Variants in NOS1AP observed in about 807,000 individuals in gnomAD.
NOS1AP encodes nitric oxide synthase 1 adaptor protein.
In NOS1AP, 21 loss-of-function variants were observed where a neutral mutation model predicts 56.2. That is an observed-to-expected ratio of 0.37 (90% CI 0.26 to 0.54). NOS1AP has a LOEUF of 0.54. Among genes scored for constraint, NOS1AP ranks in the 20% least tolerant of loss-of-function variants. The pLI is 0.84. For synonymous variants in NOS1AP, 270 were observed against 274.6 expected (o/e 0.98, Z 0.17); for missense variants, 522 against 657.8 (o/e 0.79, Z 2.26).
intron 2 of NOS1AP, among the ~76,000 whole-genome samples, chr1:162,235,882 A>G (rs1653274520): frequency 6.6e-6 from 1 of 152,228 alleles, no homozygotes. Flanking sequence ...CATCAGTTGG[A>G]TAAATCAAAG....
intron 8 of NOS1AP, chr1:162,360,502 T>C (rs1271818765): frequency 3.5e-6 from 1 of 289,454 alleles, no homozygotes; most frequent in African/African-American, 2.2e-5. Context: ...TATTCACAGT[T>C]TGCCAATTCC....
At chr1:162,286,269 T>C (rs1348727478) in intron 2 of NOS1AP, among the ~76,000 whole-genome samples, 4 of 152,198 alleles carry the variant, frequency 2.6e-5, no homozygotes, top group Non-Finnish European at 5.9e-5. Context: ...AGGTGTTAGG[T>C]GCCTTTTTCC....
intron 4 of NOS1AP, among the ~76,000 whole-genome samples, chr1:162,316,489 G>C (rs141684376): frequency 3.9e-5 from 6 of 152,252 alleles, no homozygotes; most frequent in African/African-American, 1.4e-4. Flanking sequence ...TTTGCTTTAG[G>C]GCCTGATTAT....
intron 2 of NOS1AP, among the ~76,000 whole-genome samples, chr1:162,172,605 A>C (rs16857812): frequency 0.064 from 9,795 of 152,260 alleles, 757 homozygotes; most frequent in African/African-American, 0.18. Flanking sequence ...GCAGGTGGTC[A>C]TTGGAGATTA....
intron 2 of NOS1AP, among the ~76,000 whole-genome samples, chr1:162,190,139 A>G (rs952508672): frequency 1.3e-5 from 2 of 152,234 alleles, no homozygotes; most frequent in African/African-American, 4.8e-5. Flanking sequence ...TATTACAAAA[A>G]TAATGTAACT....
chr1:162,336,775 A>G (rs1656953592), intron 5 of NOS1AP, among the ~76,000 whole-genome samples: 1 of 152,248 alleles, frequency 6.6e-6, no homozygotes. Flanking sequence ...TAGCCATCAA[A>G]TAAGATGAAA....
At chr1:162,176,505 C>CTTTTTTTTTT (rs34280743) in intron 2 of NOS1AP, among the ~76,000 whole-genome samples, 1 of 87,470 alleles carries the variant, frequency 1.1e-5, no homozygotes, top group Non-Finnish European at 2.0e-5. Flanking sequence ...CATAATAGCT[C>CTTTTTTTTTT]TTTTTTTTTT....
intron 3 of NOS1AP, among the ~76,000 whole-genome samples, chr1:162,288,966 A>G (rs754318096): frequency 2.6e-5 from 4 of 152,176 alleles, no homozygotes; most frequent in Non-Finnish European, 5.9e-5. Flanking sequence ...GGAGTTCCTG[A>G]GCAGGACATC....
chr1:162,284,453 G>T (rs1242940899), intron 2 of NOS1AP, among the ~76,000 whole-genome samples: 1 of 152,112 alleles, frequency 6.6e-6, no homozygotes, highest in Admixed American at 6.5e-5. Context: ...GAACCTGGAG[G>T]CCTATTTCCT....
chr1:162,183,656 G>A (rs1211312647), intron 2 of NOS1AP, among the ~76,000 whole-genome samples: 1 of 152,194 alleles, frequency 6.6e-6, no homozygotes, highest in Non-Finnish European at 1.5e-5. Context: ...CCATTTTTAT[G>A]TTACAGAGAC....
rs534112467 is a variant in NOS1AP at position 162,321,923 on chromosome 1, G to A, written c.345-11094G>A. Among the ~76,000 whole-genome samples, 210 of 32,216 alleles carry A rather than the reference G, an allele frequency of 6.5e-3. 3 individuals are homozygous for A. The highest frequency in any genetic ancestry group is 0.013 in the African/African-American group (192 of 15,118). The allele number at this position is 32,216 out of a possible 152,430, so 21.1% of individuals were successfully genotyped here. On this transcript the variant is annotated intron_variant, in intron 4 of 9. Coordinates refer to ENST00000361897, the MANE Select transcript of NOS1AP (RefSeq NM_014697.3). ...GACTCCAAAAGGGAAGAGGGAGAAG[G>A]GGGGACAAGGACTGAAAAAGTTCCC...
At chr1:162,251,614 GTGTGTGTGTGTGTGTGTGTC>G (rs1653851435) in intron 2 of NOS1AP, among the ~76,000 whole-genome samples, 1 of 151,394 alleles carries the variant, frequency 6.6e-6, no homozygotes, top group Non-Finnish European at 1.5e-5. Flanking sequence ...GTGTGTGTGT[GTGTGTGTGTGTGTGTGTGTC>G]TGTGTGTGTG....
chr1:162,128,885 C>A (rs1031393205), intron 1 of NOS1AP, among the ~76,000 whole-genome samples: 2 of 152,178 alleles, frequency 1.3e-5, no homozygotes, highest in African/African-American at 4.8e-5. Context: ...CTGGGACTTC[C>A]CTGTTAGCCG....
At chr1:162,356,277 G>A (rs1201291465) in intron 7 of NOS1AP, among the ~76,000 whole-genome samples, 1 of 152,204 alleles carries the variant, frequency 6.6e-6, no homozygotes, top group Non-Finnish European at 1.5e-5. Flanking sequence ...AATCGTAGAA[G>A]CCATCTTGGT....
At chr1:162,169,683 T>TCACC (rs1326544461) in intron 2 of NOS1AP, among the ~76,000 whole-genome samples, 1 of 152,228 alleles carries the variant, frequency 6.6e-6, no homozygotes, top group Non-Finnish European at 1.5e-5. Flanking sequence ...CATGCCACTT[T>TCACC]GAACCAGCTC....
chr1:162,341,283 A>G (rs1034821675), intron 5 of NOS1AP, among the ~76,000 whole-genome samples: 1 of 152,230 alleles, frequency 6.6e-6, no homozygotes, highest in African/African-American at 2.4e-5. Context: ...GAGATGTTAT[A>G]GGAACAAACT....
At chr1:162,226,064 T>G (rs1157194772) in intron 2 of NOS1AP, among the ~76,000 whole-genome samples, 2 of 151,730 alleles carry the variant, frequency 1.3e-5, no homozygotes, top group Non-Finnish European at 1.5e-5. Flanking sequence ...GGGGCTGAGG[T>G]GGGCGAATCA....
chr1:162,163,549 G>T (rs985441786), intron 2 of NOS1AP, among the ~76,000 whole-genome samples: 1 of 152,168 alleles, frequency 6.6e-6, no homozygotes, highest in African/African-American at 2.4e-5. Flanking sequence ...TGCACAGACT[G>T]TTGCGGAAGG....
chr1:162,116,178 G>A (rs1350558774), intron 1 of NOS1AP, among the ~76,000 whole-genome samples: 3 of 152,188 alleles, frequency 2.0e-5, no homozygotes. Flanking sequence ...TTCTCCAGAA[G>A]CGGGGTCGTG....
Sources: allele counts gnomAD v4.1 joint callset (sites outside exome capture counted in the v4.1 genomes callset), GRCh38; gene constraint gnomAD v4.1.1; transcripts MANE v1.5; gene names NCBI Gene and HGNC (gene_info 2026-07-23, HGNC 2026-07-21).